The following B3GNT2 variants were observed in gnomAD, a reference collection of about 807,000 sequenced individuals.
B3GNT2 encodes UDP-GlcNAc:betaGal beta-1,3-N-acetylglucosaminyltransferase 2.
A neutral mutation model predicts 27.6 loss-of-function variants in B3GNT2; 12 were observed. The observed-to-expected ratio is 0.44, with a 90% CI of 0.28 to 0.71. The LOEUF (loss-of-function observed/expected upper bound fraction) is 0.71, where lower values mean the gene tolerates loss of function less well. Among genes scored for constraint, B3GNT2 ranks in the 30% least tolerant of loss-of-function variants. B3GNT2 has a pLI of 0.17. For synonymous variants in B3GNT2, 192 were observed against 189.7 expected (o/e 1.01, Z -0.10); for missense variants, 413 against 488.5 (o/e 0.85, Z 1.46).
chr2:62,209,143 G>A (rs1013609198), intron 1 of B3GNT2, among the ~76,000 whole-genome samples: 4 of 152,108 alleles, frequency 2.6e-5, no homozygotes, highest in Non-Finnish European at 4.4e-5. Context: ...CACCATACCC[G>A]GCTAATTTCG....
chr2:62,197,639 T>C (rs1290345046), intron 1 of B3GNT2, among the ~76,000 whole-genome samples: 1 of 152,248 alleles, frequency 6.6e-6, no homozygotes, highest in Non-Finnish European at 1.5e-5. Flanking sequence ...AGTTGGTGAA[T>C]ATAGAATTCT....
chr2:62,205,024 A>C (rs1327514252), intron 1 of B3GNT2, among the ~76,000 whole-genome samples: 2 of 152,216 alleles, frequency 1.3e-5, no homozygotes, highest in Non-Finnish European at 2.9e-5. Context: ...GAGATAGCGG[A>C]GGCTGGGGGA....
intron 1 of B3GNT2, among the ~76,000 whole-genome samples, chr2:62,198,717 ATAAAC>A (rs765384288): frequency 6.6e-6 from 1 of 152,218 alleles, no homozygotes; most frequent in Non-Finnish European, 1.5e-5. Context: ...TAGGTTTCTG[ATAAAC>A]TAAAGTTGTG....
intron 1 of B3GNT2, among the ~76,000 whole-genome samples, chr2:62,219,707 TAGG>T (rs1195196315): frequency 6.6e-6 from 1 of 152,190 alleles, no homozygotes; most frequent in Non-Finnish European, 1.5e-5. Flanking sequence ...ACTTTAGCAT[TAGG>T]AGAATTGTCC....
chr2:62,198,252 T>C (rs1448490314), intron 1 of B3GNT2, among the ~76,000 whole-genome samples: 1 of 152,238 alleles, frequency 6.6e-6, no homozygotes, highest in Non-Finnish European at 1.5e-5. Flanking sequence ...CCACATTTAA[T>C]TCAGTGATCT....
At chr2:62,201,856 A>G (rs933891410) in intron 1 of B3GNT2, among the ~76,000 whole-genome samples, 1 of 152,236 alleles carries the variant, frequency 6.6e-6, no homozygotes, top group Non-Finnish European at 1.5e-5. Flanking sequence ...ATGGAAATTT[A>G]AAACAAAATA....
chr2:62,204,401 T>C (rs143229476), intron 1 of B3GNT2, among the ~76,000 whole-genome samples: 1,525 of 152,334 alleles, frequency 0.01, 13 homozygotes, highest in Non-Finnish European at 0.016. Context: ...AACACAATTG[T>C]GGTGAGTTTT....
intron 1 of B3GNT2, among the ~76,000 whole-genome samples, chr2:62,206,093 A>G (rs1300354840): frequency 6.6e-6 from 1 of 152,162 alleles, no homozygotes; most frequent in East Asian, 1.9e-4. Context: ...CAGGCTGAGA[A>G]GAGGTATGGG....
intron 1 of B3GNT2, among the ~76,000 whole-genome samples, chr2:62,197,192 G>A (rs1042348286): frequency 6.6e-6 from 1 of 152,020 alleles, no homozygotes; most frequent in Non-Finnish European, 1.5e-5. Context: ...GGCGTGGGGG[G>A]CCCTGCCGGG....
chr2:62,201,916 C>T (rs1674272451), intron 1 of B3GNT2, among the ~76,000 whole-genome samples: 1 of 152,302 alleles, frequency 6.6e-6, no homozygotes, highest in African/African-American at 2.4e-5. Context: ...CTTCGTAGGC[C>T]TAAGTTCAAA....
At chr2:62,202,302 G>A (rs912185425) in intron 1 of B3GNT2, among the ~76,000 whole-genome samples, 2 of 152,204 alleles carry the variant, frequency 1.3e-5, no homozygotes, top group Non-Finnish European at 2.9e-5. Context: ...GCTTGGTCTT[G>A]AAGGATGTGA....
Position 62,223,017 on chromosome 2 carries a change from A to G in B3GNT2, c.797A>G (p.Lys266Arg), listed in dbSNP as rs1199389199. The G allele has an allele frequency of 9.9e-6, 16 of 1,614,202 alleles. No homozygotes were observed. The highest frequency in any genetic ancestry group is 1.3e-5 in the Non-Finnish European group (15 of 1,180,028). Residue 266 changes from lysine to arginine, a missense_variant, in exon 2 of 2, where the codon AAA becomes AGA. Coordinates refer to ENST00000301998, the MANE Select transcript of B3GNT2 (RefSeq NM_006577.6). Reference protein sequence around the residue: ...LNYLNSLSKTKAKDLFIGDVI... With the variant: ...LNYLNSLSKTRAKDLFIGDVI... Reference sequence around the variant, plus strand: ...TACTTGAATAGTTTATCCAAGACCAAAGCCAAAGATCTCTTCATAGGTGAT... The same window carrying G: ...TACTTGAATAGTTTATCCAAGACCAGAGCCAAAGATCTCTTCATAGGTGAT...
intron 1 of B3GNT2, among the ~76,000 whole-genome samples, chr2:62,220,871 G>T (rs948808979): frequency 6.6e-6 from 1 of 152,132 alleles, no homozygotes; most frequent in Non-Finnish European, 1.5e-5. Flanking sequence ...TAGAACCTTG[G>T]ATATCCCCAG....
intron 1 of B3GNT2, among the ~76,000 whole-genome samples, chr2:62,199,125 G>C (rs1395270873): frequency 6.6e-6 from 1 of 152,186 alleles, no homozygotes; most frequent in Non-Finnish European, 1.5e-5. Flanking sequence ...GTCTTTAGTA[G>C]AGACAGGGTT....
At chr2:62,219,049 C>A (rs935573195) in intron 1 of B3GNT2, among the ~76,000 whole-genome samples, 2 of 152,212 alleles carry the variant, frequency 1.3e-5, no homozygotes, top group Admixed American at 6.5e-5. Context: ...GTGGTTATGG[C>A]TGGATTCCAG....
chr2:62,198,445 C>T, intron 1 of B3GNT2, among the ~76,000 whole-genome samples: 1 of 152,212 alleles, frequency 6.6e-6, no homozygotes, highest in Non-Finnish European at 1.5e-5. Context: ...AGAGAAGTTC[C>T]TCCTGGCATC....
At chr2:62,212,305 C>T (rs1216686931) in intron 1 of B3GNT2, among the ~76,000 whole-genome samples, 1 of 152,084 alleles carries the variant, frequency 6.6e-6, no homozygotes, top group African/African-American at 2.4e-5. Context: ...ATCGGTGGTA[C>T]CAGGAGCCTA....
chr2:62,211,607 G>A (rs1272047336), intron 1 of B3GNT2, among the ~76,000 whole-genome samples: 1 of 152,126 alleles, frequency 6.6e-6, no homozygotes, highest in Non-Finnish European at 1.5e-5. Context: ...AAGTAGAGGG[G>A]ACAGGAAAGA....
chr2:62,215,823 T>A (rs1674563930), intron 1 of B3GNT2, among the ~76,000 whole-genome samples: 1 of 152,222 alleles, frequency 6.6e-6, no homozygotes, highest in Non-Finnish European at 1.5e-5. Context: ...CTCCTGGGGT[T>A]TAGTCAGAAG....
Sources: allele counts gnomAD v4.1 joint callset (sites outside exome capture counted in the v4.1 genomes callset), GRCh38; gene constraint gnomAD v4.1.1; transcripts MANE v1.5; gene names NCBI Gene and HGNC (gene_info 2026-07-23, HGNC 2026-07-21).